Variants in EPS15 observed in about 807,000 individuals in gnomAD.
EPS15 encodes epidermal growth factor receptor substrate 15.
Under a neutral mutation model 113.8 loss-of-function variants are expected in EPS15, and 72 were observed. That is an observed-to-expected ratio of 0.63 (90% CI 0.52 to 0.77). The LOEUF (loss-of-function observed/expected upper bound fraction) is 0.77, where lower values mean the gene tolerates loss of function less well. EPS15 is among the 30% of genes least tolerant of loss of function. EPS15 has a pLI of 0.00. For synonymous variants in EPS15, 344 were observed against 363.4 expected (o/e 0.95, Z 0.61); for missense variants, 1,048 against 1,045.8 (o/e 1.00, Z -0.03).
chr1:51,391,324 G>A (rs1375529591), intron 21 of EPS15, among the ~76,000 whole-genome samples: 2 of 152,064 alleles, frequency 1.3e-5, no homozygotes, highest in Non-Finnish European at 2.9e-5. Context: ...TGGGTTGGGG[G>A]GAAGGGGGAG....
chr1:51,384,636 C>G (rs1484810988), intron 21 of EPS15, among the ~76,000 whole-genome samples: 1 of 151,824 alleles, frequency 6.6e-6, no homozygotes, highest in Non-Finnish European at 1.5e-5. Context: ...CTGTGCCCAG[C>G]CCAAAGCAGT....
intron 8 of EPS15, among the ~76,000 whole-genome samples, chr1:51,452,365 C>G (rs557623372): frequency 2.9e-4 from 44 of 152,270 alleles, no homozygotes; most frequent in African/African-American, 1.0e-3. Context: ...TTGCTGCAGC[C>G]TCAACCTCCC....
chr1:51,426,817 G>C (rs989714942), intron 12 of EPS15, among the ~76,000 whole-genome samples: 14 of 145,642 alleles, frequency 9.6e-5, no homozygotes, highest in South Asian at 2.2e-4. Flanking sequence ...AAATAAATCT[G>C]TCTCTCTCTC....
At chr1:51,396,159 T>TA (rs1647920904) in intron 20 of EPS15, among the ~76,000 whole-genome samples, 4 of 152,288 alleles carry the variant, frequency 2.6e-5, no homozygotes, top group African/African-American at 9.6e-5. Context: ...CACACTAACT[T>TA]AGATATCTGC....
intron 21 of EPS15, among the ~76,000 whole-genome samples, chr1:51,393,018 C>G (rs1647542110): frequency 6.6e-6 from 1 of 152,200 alleles, no homozygotes; most frequent in Non-Finnish European, 1.5e-5. Context: ...TTTTAGAAGT[C>G]TCACTTGCTC....
chr1:51,356,830 T>C lies in EPS15; in HGVS notation c.2561A>G (p.Asp854Gly), dbSNP rs201936108. The change falls in exon 25 of 25, where the codon GAT becomes GGT. Residue 854 changes from aspartate (D) to glycine (G), a missense_variant. Coordinates refer to ENST00000371733, the MANE Select transcript of EPS15 (RefSeq NM_001981.3). ...TTCCCTCTTGGCCCATTCGATCATA[T>C]CTTCTTCAGAGGGATACTGCCATTT... ...ANFSAYPSEE[D>G]MIEWAKRESE... The C allele has an allele frequency of 5.6e-6, 9 of 1,612,950 alleles. No individual in the cohort carries two copies. The highest frequency in any genetic ancestry group is 2.2e-5 in the South Asian group (2 of 90,894).
At chr1:51,386,167 A>G (rs1385875128) in intron 21 of EPS15, among the ~76,000 whole-genome samples, 1 of 152,248 alleles carries the variant, frequency 6.6e-6, no homozygotes, top group Admixed American at 6.5e-5. Context: ...TCAATAACAT[A>G]CGCCCAGGCA....
At chr1:51,453,972 C>T (rs1391022850) in intron 8 of EPS15, among the ~76,000 whole-genome samples, 2 of 149,220 alleles carry the variant, frequency 1.3e-5, no homozygotes, top group Non-Finnish European at 3.0e-5. Flanking sequence ...ATTGTTTGAA[C>T]CTAGCAGGTG....
chr1:51,398,187 G>A lies in EPS15; in HGVS notation c.2052+845C>T, dbSNP rs1009033491. ...TCCTGCCTCAGCCTCCTGAGTAGCT[G>A]GGACTATAGGCACCCACCACCGCGC... On this transcript the variant is annotated intron_variant, in intron 20 of 24. Coordinates refer to ENST00000371733, the MANE Select transcript of EPS15 (RefSeq NM_001981.3). 7.2e-5 allele frequency among the ~76,000 whole-genome samples: 11 copies of A among 152,030 alleles called. No individual in the cohort carries two copies. The East Asian group carries it at 1.9e-3, about 27-fold the overall frequency.
At chr1:51,487,799 T>G (rs1295557484) in intron 1 of EPS15, among the ~76,000 whole-genome samples, 1 of 152,214 alleles carries the variant, frequency 6.6e-6, no homozygotes, top group African/African-American at 2.4e-5. Flanking sequence ...TACACTAATG[T>G]GATACAGCTA....
Position 51,461,125 on chromosome 1 carries a change from TG to T in EPS15, c.526del (p.His176MetfsTer58). On this transcript the variant is annotated frameshift_variant, in exon 8 of 25. Coordinates refer to ENST00000371733, the MANE Select transcript of EPS15 (RefSeq NM_001981.3). LOFTEE classifies it high-confidence loss of function. ...CTCATCTCTGTCAAGCATTCCATCA[TG>T]GTCAATATCACTCAACTCCCAAACC... ...GRVWELSDID[H>X]DGMLDRDEFA... 2 of 1,604,364 alleles carry T rather than the reference TG, an allele frequency of 1.2e-6. No individual in the cohort carries two copies. The highest frequency in any genetic ancestry group is 8.5e-7 in the Non-Finnish European group (1 of 1,171,128).
In EPS15 at chr1:51,403,510, A is replaced by G; in HGVS notation, c.1700T>C (p.Leu567Pro). ...ESPARSSPEL[L>P]PSGVTDENEV... is the part of the protein sequence containing the mutation. ...ATTTTCATCAGTCACACCAGAAGGCAGTAGTTCAGGACTACTTCTTGCCTA... is the reference window on the plus strand; with the variant it reads ...ATTTTCATCAGTCACACCAGAAGGCGGTAGTTCAGGACTACTTCTTGCCTA... The change falls in exon 17 of 25, where the codon CTG becomes CCG. Residue 567 changes from leucine to proline, a missense_variant. Coordinates refer to ENST00000371733, the MANE Select transcript of EPS15 (RefSeq NM_001981.3). The G allele has an allele frequency of 6.2e-7, 1 of 1,605,596 alleles. No individual in the cohort carries two copies. Among genetic ancestry groups the G allele is most frequent in the South Asian group, 1.1e-5 (1 of 89,484 alleles).
chr1:51,508,330 G>GAAAGAA (rs1553139559), intron 1 of EPS15, among the ~76,000 whole-genome samples: 33 of 100,224 alleles, frequency 3.3e-4, no homozygotes, highest in African/African-American at 1.1e-3. Context: ...AAGAGAGAAA[G>GAAAGAA]AGAAAGAGAG....
intron 4 of EPS15, among the ~76,000 whole-genome samples, chr1:51,468,868 C>A (rs894706704): frequency 6.6e-6 from 1 of 152,152 alleles, no homozygotes; most frequent in Non-Finnish European, 1.5e-5. Flanking sequence ...TGGCTCACAC[C>A]TGTAAGCTCA....
In EPS15 at chr1:51,519,259, A is replaced by C. The variant is rs748994310; in HGVS notation, c.-28T>G. 9.2e-7 allele frequency: 1 copy of C among 1,091,640 alleles called. No individual in the cohort carries two copies. Among genetic ancestry groups the C allele is most frequent in the East Asian group, 8.0e-5 (1 of 12,468 alleles). 67.6% of individuals were successfully genotyped at this position (1,091,640 alleles called of 1,614,324 possible). A position where few individuals can be genotyped will look rare whatever the true frequency, so the allele number is the denominator to read the frequency against. On this transcript the variant is annotated 5_prime_UTR_variant, in exon 1 of 25. Transcript: ENST00000371733. ...TGTTTCCATCATGCAAGGGAGGGGAAGGAAGACGGGCTGACTGGGGCTCGG... is the reference window on the plus strand; with the variant it reads ...TGTTTCCATCATGCAAGGGAGGGGACGGAAGACGGGCTGACTGGGGCTCGG...
At chr1:51,465,350 C>T in intron 5 of EPS15, 24 bp from the exon 6 acceptor site, 1 of 1,537,308 alleles carries the variant, frequency 6.5e-7, no homozygotes, top group East Asian at 2.3e-5. Context: ...TAAAGCACAA[C>T]AAGAGTTGAA....
chr1:51,447,287 CAG>C (rs1287415881), intron 9 of EPS15, among the ~76,000 whole-genome samples, 182 bp from the exon 10 acceptor site: 1 of 152,078 alleles, frequency 6.6e-6, no homozygotes, highest in Non-Finnish European at 1.5e-5. Flanking sequence ...GAGAAAATAA[CAG>C]AAGAAAATAC....
intron 12 of EPS15, among the ~76,000 whole-genome samples, chr1:51,432,350 A>ATGTATG (rs1557463902): frequency 2.3e-5 from 3 of 130,864 alleles, no homozygotes; most frequent in East Asian, 2.4e-4. Flanking sequence ...ATGTATGTAT[A>ATGTATG]TATTTAATAG....
In EPS15 at chr1:51,451,372, T is replaced by C. The variant is rs1653535810; in HGVS notation, c.562-3237A>G. On this transcript the variant is annotated intron_variant, in intron 8 of 24. Coordinates refer to ENST00000371733, the MANE Select transcript of EPS15 (RefSeq NM_001981.3). ...CAGGCGTGGTGGCGCATGCCTGTAA[T>C]CCCAGCTACTTGGGAGGCTGGGGCA... 2.0e-5 allele frequency among the ~76,000 whole-genome samples: 3 copies of C among 150,636 alleles called. No homozygotes were observed. The South Asian group carries it at 6.2e-4, about 31-fold the overall frequency.
Sources: gnomAD v4.1 joint callset for allele counts (sites outside exome capture counted in the v4.1 genomes callset) on GRCh38, gnomAD v4.1.1 for gene constraint, MANE v1.5 for transcripts, NCBI Gene and HGNC (gene_info 2026-07-23, HGNC 2026-07-21) for gene names.